Variants in IL1RAPL2 observed in about 807,000 individuals in gnomAD.
IL1RAPL2 encodes interleukin 1 receptor accessory protein like 2.
A neutral mutation model predicts 44.1 loss-of-function variants in IL1RAPL2; 3 were observed. That is an observed-to-expected ratio of 0.07 (90% CI 0.03 to 0.18). IL1RAPL2 has a LOEUF of 0.18. Ranked by LOEUF, IL1RAPL2 falls within the 10% of genes least tolerant of loss-of-function variation. The pLI is 1.00. For synonymous variants in IL1RAPL2, 181 were observed against 178.8 expected (o/e 1.01, Z -0.10); for missense variants, 391 against 496.4 (o/e 0.79, Z 2.02).
At chrX:105,001,084 T>C (rs768838585) in intron 2 of IL1RAPL2, among the ~76,000 whole-genome samples, 1 of 111,664 alleles carries the variant, frequency 9.0e-6, no homozygotes, top group Non-Finnish European at 1.9e-5. Context: ...TGCTTTGTAC[T>C]GAAATTTAAG....
intron 5 of IL1RAPL2, among the ~76,000 whole-genome samples, chrX:105,379,807 C>A (rs2035416218): frequency 9.0e-6 from 1 of 111,639 alleles, no homozygotes; most frequent in Non-Finnish European, 1.9e-5. Context: ...AGAACTTACT[C>A]AAAAAGGGTA....
At chrX:105,030,454 T>A in intron 2 of IL1RAPL2, among the ~76,000 whole-genome samples, 2 of 112,167 alleles carry the variant, frequency 1.8e-5, no homozygotes, top group Middle Eastern at 9.2e-3. Context: ...AGTTTCAGCT[T>A]TCTATATATG....
At chrX:105,219,722 C>T in intron 3 of IL1RAPL2, 1 of 1,207,231 alleles carries the variant, frequency 8.3e-7, no homozygotes, top group Non-Finnish European at 1.1e-6. Flanking sequence ...CCTGGCCACC[C>T]TGCCCCCTGC....
intron 10 of IL1RAPL2, among the ~76,000 whole-genome samples, chrX:105,763,499 A>G (rs1466742265): frequency 8.9e-6 from 1 of 111,860 alleles, no homozygotes; most frequent in Non-Finnish European, 1.9e-5. Context: ...ACAAAAGAAA[A>G]CTTAAGAAGA....
chrX:105,447,592 AATATAAATAAATATAAAT>A (rs1213623940), intron 5 of IL1RAPL2, among the ~76,000 whole-genome samples: 19 of 68,699 alleles, frequency 2.8e-4, no homozygotes, highest in Admixed American at 6.5e-4. Flanking sequence ...TATTTATATA[AATATAAATAAATATAAAT>A]ATATAAACAT....
intron 2 of IL1RAPL2, among the ~76,000 whole-genome samples, chrX:105,158,571 T>A (rs182758485): frequency 1.1e-3 from 120 of 112,028 alleles, no homozygotes; most frequent in African/African-American, 3.6e-3. Context: ...CACATCCAAT[T>A]CATCATCCAG....
At chrX:104,982,458 GT>G (rs777383277) in intron 2 of IL1RAPL2, among the ~76,000 whole-genome samples, 76 of 110,790 alleles carry the variant, frequency 6.9e-4, no homozygotes, top group African/African-American at 2.3e-3. Flanking sequence ...TACATTTTGA[GT>G]TTTTTTAAGG....
At chrX:105,196,345 C>T (rs559779485) in intron 3 of IL1RAPL2, among the ~76,000 whole-genome samples, 2 of 111,234 alleles carry the variant, frequency 1.8e-5, no homozygotes, top group South Asian at 7.8e-4. Context: ...CCACCCCTGC[C>T]GCATGGTCTT....
At chrX:105,144,728 GT>G (rs2033163655) in intron 2 of IL1RAPL2, among the ~76,000 whole-genome samples, 1 of 111,537 alleles carries the variant, frequency 9.0e-6, no homozygotes, top group South Asian at 3.7e-4. Context: ...CCATCCCCAA[GT>G]CCTGCCTCCC....
rs866032656 is a variant in IL1RAPL2, at chrX:104,969,073, C to T, written c.83-226402C>T. On this transcript the variant is annotated intron_variant, in intron 2 of 10. Transcript: ENST00000372582. The stretch of plus-strand genomic sequence containing the variant: ...AAAATAAATACAGAAGGAAAAAGAC[C>T]TCAGGATAGCCAAGAAAATTTTTAT... Among the ~76,000 whole-genome samples, 25 of 106,012 alleles carry T rather than the reference C, an allele frequency of 2.4e-4. 1 individual carries two copies. Among genetic ancestry groups the T allele is most frequent in the African/African-American group, 8.7e-4 (25 of 28,794 alleles). 92.1% of individuals were successfully genotyped at this position (106,012 alleles called of 115,157 possible). A position where few individuals can be genotyped will look rare whatever the true frequency, so the allele number is the denominator to read the frequency against.
At chrX:105,488,692 A>C (rs2036288223) in intron 6 of IL1RAPL2, among the ~76,000 whole-genome samples, 1 of 112,155 alleles carries the variant, frequency 8.9e-6, no homozygotes, top group Non-Finnish European at 1.9e-5. Flanking sequence ...CGTTTTAGGA[A>C]ATACTTGAGT....
chrX:104,930,281 T>G (rs1409178059), intron 2 of IL1RAPL2, among the ~76,000 whole-genome samples: 68 of 112,266 alleles, frequency 6.1e-4, no homozygotes, highest in Non-Finnish European at 9.4e-5. Context: ...GGAATTAATT[T>G]AATATTTATA....
At chrX:104,913,486 A>G (rs774974617) in intron 2 of IL1RAPL2, among the ~76,000 whole-genome samples, 4 of 111,858 alleles carry the variant, frequency 3.6e-5, no homozygotes, top group Non-Finnish European at 7.5e-5. Flanking sequence ...TGGGTAGCCT[A>G]TATCTCTGGA....
intron 2 of IL1RAPL2, among the ~76,000 whole-genome samples, chrX:105,046,361 G>A (rs2031836727): frequency 9.0e-6 from 1 of 111,606 alleles, no homozygotes; most frequent in African/African-American, 3.3e-5. Context: ...TCTTTCAATA[G>A]TGGCTGCACT....
chrX:104,971,063 C>T (rs1009961038), intron 2 of IL1RAPL2, among the ~76,000 whole-genome samples: 1 of 111,959 alleles, frequency 8.9e-6, no homozygotes, highest in African/African-American at 3.2e-5. Flanking sequence ...AAAGGCCCTA[C>T]GAGGCCGGGC....
At chrX:104,949,385 A>AT (rs1925501825) in intron 2 of IL1RAPL2, among the ~76,000 whole-genome samples, 1 of 110,292 alleles carries the variant, frequency 9.1e-6, no homozygotes, top group Non-Finnish European at 1.9e-5. Context: ...GGATTCACTC[A>AT]TTTTTTGAAG....
At chrX:105,728,191 C>T (rs1420798949) in intron 7 of IL1RAPL2, among the ~76,000 whole-genome samples, 1 of 111,258 alleles carries the variant, frequency 9.0e-6, no homozygotes, top group Non-Finnish European at 1.9e-5. Flanking sequence ...TTTATCTCTC[C>T]CTCTCCCAGA....
intron 2 of IL1RAPL2, among the ~76,000 whole-genome samples, chrX:105,163,553 A>G (rs2147596421): frequency 8.9e-6 from 1 of 111,940 alleles, no homozygotes; most frequent in African/African-American, 3.2e-5. Flanking sequence ...GGTGAACTGT[A>G]TTTTCTAGAA....
intron 5 of IL1RAPL2, among the ~76,000 whole-genome samples, chrX:105,341,338 CTTTTCT>C (rs997737463): frequency 1.0e-5 from 1 of 100,405 alleles, no homozygotes; most frequent in Admixed American, 1.0e-4. Flanking sequence ...ATTTTCTTTT[CTTTTCT>C]TTTTTTTTTA....
Sources: gnomAD v4.1 joint callset for allele counts (sites outside exome capture counted in the v4.1 genomes callset) on GRCh38, gnomAD v4.1.1 for gene constraint, MANE v1.5 for transcripts, NCBI Gene and HGNC (gene_info 2026-07-23, HGNC 2026-07-21) for gene names.